The following PACRG variants were observed in gnomAD, a reference collection of about 807,000 sequenced individuals.
The protein encoded by PACRG is parkin coregulated.
A neutral mutation model predicts 29.7 loss-of-function variants in PACRG; 29 were observed. The ratio of observed to expected loss-of-function variants is 0.98; its 90% confidence interval spans 0.73 to 1.33. The LOEUF (loss-of-function observed/expected upper bound fraction) is 1.33. Among genes scored for constraint, PACRG ranks in the 40% most tolerant of loss-of-function variants. PACRG has a pLI of 0.00. For missense variants in PACRG, 279 were observed against 316.2 expected (o/e 0.88, Z 0.89); for synonymous variants, 116 against 118.7 (o/e 0.98, Z 0.15).
At chr6:163,194,506 G>C (rs113745245) in intron 4 of PACRG, among the ~76,000 whole-genome samples, 232 of 152,194 alleles carry the variant, frequency 1.5e-3, no homozygotes, top group African/African-American at 5.3e-3. Context: ...GTCTGGCTCT[G>C]GGCTGCACAA....
intron 4 of PACRG, among the ~76,000 whole-genome samples, chr6:163,095,881 A>T (rs1321967997): frequency 1.3e-5 from 2 of 152,158 alleles, no homozygotes; most frequent in East Asian, 3.9e-4. Flanking sequence ...GGGAGACACT[A>T]TTCAATCCAG....
chr6:162,752,169 C>T (rs1034317622), intron 1 of PACRG, among the ~76,000 whole-genome samples: 3 of 152,048 alleles, frequency 2.0e-5, no homozygotes, highest in South Asian at 2.1e-4. Flanking sequence ...AAGACAGCCT[C>T]GAAGAAGCAA....
At chr6:162,936,098 G>T (rs1228834138) in intron 2 of PACRG, among the ~76,000 whole-genome samples, 1 of 152,158 alleles carries the variant, frequency 6.6e-6, no homozygotes, top group African/African-American at 2.4e-5. Context: ...CATGACAGCT[G>T]CAAGAGAGAG....
In PACRG at chr6:162,727,998, T is replaced by C; in HGVS notation, c.-238T>C. On this transcript the variant is annotated 5_prime_UTR_variant, in exon 1 of 5. Transcript: ENST00000366888. Reference sequence around the variant, plus strand: ...CGCTTAGCAACCGGGAGGCTTACCTTTGGAAGCTTGTTGCAGCTCTAGCCA... The same window carrying C: ...CGCTTAGCAACCGGGAGGCTTACCTCTGGAAGCTTGTTGCAGCTCTAGCCA... 1 of 624,998 alleles carries C rather than the reference T, an allele frequency of 1.6e-6. No homozygotes were observed. Among genetic ancestry groups the C allele is most frequent in the Non-Finnish European group, 2.8e-6 (1 of 355,258 alleles). 38.7% of individuals were successfully genotyped at this position (624,998 alleles called of 1,614,324 possible).
chr6:162,859,389 T>G (rs929997576), intron 2 of PACRG, among the ~76,000 whole-genome samples: 1 of 152,222 alleles, frequency 6.6e-6, no homozygotes, highest in Non-Finnish European at 1.5e-5. Flanking sequence ...TTTCTATACA[T>G]GAACCCAAAG....
At chr6:162,918,880 A>G (rs1243711906) in intron 2 of PACRG, among the ~76,000 whole-genome samples, 1 of 152,178 alleles carries the variant, frequency 6.6e-6, no homozygotes, top group African/African-American at 2.4e-5. Flanking sequence ...AGGTTGTCTA[A>G]CTTGATGTAA....
chr6:162,853,529 G>T lies in PACRG; in HGVS notation c.291+39248G>T, dbSNP rs12660616. Among the ~76,000 whole-genome samples, 819 of 152,250 alleles carry T rather than the reference G, an allele frequency of 5.4e-3. 16 individuals are homozygous for T. In the East Asian group the frequency reaches 0.071, roughly 13 times the overall value. ...TATCACAGCCTTAATAAGACAGAAA[G>T]AAATATGCATACAAAGCTATACTAC... is the stretch of plus-strand genomic sequence containing the variant. On this transcript the variant is annotated intron_variant, in intron 2 of 4. Coordinates refer to ENST00000366888, the MANE Select transcript of PACRG (RefSeq NM_001080379.2). The surrounding 1 kb of genome is among the most constrained non-coding windows in gnomAD (Gnocchi z 4.7).
intron 2 of PACRG, among the ~76,000 whole-genome samples, chr6:162,976,363 C>T (rs534631738): frequency 3.9e-5 from 6 of 152,152 alleles, no homozygotes; most frequent in Admixed American, 6.5e-5. Context: ...GAGGGCCGAA[C>T]GAAGTGACCC....
Position 163,219,384 on chromosome 6 carries a change from A to G in PACRG, c.614-95443A>G, listed in dbSNP as rs547404082. 1.1e-3 allele frequency among the ~76,000 whole-genome samples: 168 copies of G among 152,336 alleles called. 2 individuals carry two copies. The highest frequency in any genetic ancestry group is 3.7e-3 in the African/African-American group (155 of 41,570). On this transcript the variant is annotated intron_variant, in intron 4 of 4. Transcript: ENST00000366888. The stretch of plus-strand genomic sequence containing the variant: ...AAGCTGAGCATGTCTCACAGTATCC[A>G]GAATGTGTCTTCCCAAGCCTTCACT...
chr6:162,743,714 T>A (rs775487891), intron 1 of PACRG, among the ~76,000 whole-genome samples: 43 of 152,196 alleles, frequency 2.8e-4, no homozygotes, highest in Non-Finnish European at 2.2e-4. Flanking sequence ...TATTGAGATG[T>A]AATTCATATA....
At chr6:162,935,147 C>G (rs1378726499) in intron 2 of PACRG, among the ~76,000 whole-genome samples, 2 of 152,066 alleles carry the variant, frequency 1.3e-5, no homozygotes, top group African/African-American at 4.8e-5. Flanking sequence ...GATAGTTTAA[C>G]TATAACTTGC....
chr6:162,989,095 G>A (rs1228916188), intron 2 of PACRG, among the ~76,000 whole-genome samples: 1 of 152,102 alleles, frequency 6.6e-6, no homozygotes, highest in Non-Finnish European at 1.5e-5. Flanking sequence ...CCAAGCAATG[G>A]CAGTGAGAAT....
Position 163,059,722 on chromosome 6 carries a change from A to G in PACRG, c.292-2428A>G, listed in dbSNP as rs1467008852. Reference sequence around the variant, plus strand: ...AATCTCTCTCTGTTTCAATTTCCTCATATTGAAAATTAGGATATTAATAAT... The same window carrying G: ...AATCTCTCTCTGTTTCAATTTCCTCGTATTGAAAATTAGGATATTAATAAT... On this transcript the variant is annotated intron_variant, in intron 2 of 4. Transcript: ENST00000366888. Among the ~76,000 whole-genome samples, 4 of 152,200 alleles carry G rather than the reference A, an allele frequency of 2.6e-5. No homozygotes were observed. The East Asian group carries it at 5.8e-4, about 22-fold the overall frequency.
At chr6:162,909,155 G>A (rs1225982423) in intron 2 of PACRG, among the ~76,000 whole-genome samples, 3 of 152,046 alleles carry the variant, frequency 2.0e-5, no homozygotes, top group African/African-American at 7.3e-5. Context: ...ACTCTTTCAG[G>A]TACTACTTTC....
At chr6:163,086,409 A>C (rs1813561222) in intron 3 of PACRG, among the ~76,000 whole-genome samples, 1 of 152,276 alleles carries the variant, frequency 6.6e-6, no homozygotes, top group East Asian at 1.9e-4. Flanking sequence ...TTCAGCAGAT[A>C]GATTTTGTCC....
At chr6:163,035,613 TC>T (rs1808099281) in intron 2 of PACRG, among the ~76,000 whole-genome samples, 1 of 151,226 alleles carries the variant, frequency 6.6e-6, no homozygotes, top group South Asian at 2.1e-4. Context: ...GCCACTGCAC[TC>T]CAGCCTGGGC....
Position 163,311,421 on chromosome 6 carries a change from T to C in PACRG, c.614-3406T>C, listed in dbSNP as rs534870241. Among the ~76,000 whole-genome samples, 9 of 152,364 alleles carry C rather than the reference T, an allele frequency of 5.9e-5. No individual in the cohort carries two copies. The South Asian group carries it at 1.9e-3, about 32-fold the overall frequency. ...AATTGTAAATAACCATTTGGGTTTA[T>C]TCGTTTTAATGTCCTATTCTCACAA... is the stretch of plus-strand genomic sequence containing the variant. On this transcript the variant is annotated intron_variant, in intron 4 of 4. Transcript: ENST00000366888.
chr6:163,298,082 A>G (rs1397476854), intron 4 of PACRG, among the ~76,000 whole-genome samples: 1 of 152,170 alleles, frequency 6.6e-6, no homozygotes, highest in African/African-American at 2.4e-5. Context: ...TATTGCATCG[A>G]CCAAAAAGAA....
In PACRG at chr6:163,256,227, T is replaced by C. The variant is rs532868393; in HGVS notation, c.614-58600T>C. 5.3e-4 allele frequency among the ~76,000 whole-genome samples: 81 copies of C among 152,386 alleles called. 2 individuals carry two copies. In the South Asian group the frequency reaches 0.014, roughly 26 times the overall value. On this transcript the variant is annotated intron_variant, in intron 4 of 4. Coordinates refer to ENST00000366888, the MANE Select transcript of PACRG (RefSeq NM_001080379.2). ...TTAATCCTCCCCCACTGCTTTGTAC[T>C]GCCTGTTTTACTGTATATTCCATTC...
Sources: gnomAD v4.1 joint callset for allele counts (sites outside exome capture counted in the v4.1 genomes callset) on GRCh38, gnomAD v4.1.1 for gene constraint, Gnocchi (gnomAD v3.1) non-coding constraint, MANE v1.5 for transcripts, NCBI Gene and HGNC (gene_info 2026-07-23, HGNC 2026-07-21) for gene names.